Variants in SLC26A7 observed in about 807,000 individuals in gnomAD.
SLC26A7 encodes the protein anion exchange transporter.
SLC26A7 carries 59 observed loss-of-function variants against 82.5 expected under a neutral mutation model. The ratio of observed to expected loss-of-function variants is 0.72; its 90% CI spans 0.58 to 0.89. SLC26A7 has a LOEUF of 0.89. Among genes scored for constraint, SLC26A7 ranks in the 40% least tolerant of loss-of-function variants. SLC26A7 has a pLI of 0.00. For synonymous variants in SLC26A7, 271 were observed against 274.3 expected, an observed-to-expected ratio of 0.99 and a Z score of 0.12; for missense variants, 820 against 793.0, an observed-to-expected ratio of 1.03 and a Z score of -0.41.
Position 91,397,527 on chromosome 8 carries a change from G to T in SLC26A7, c.*2430G>T, listed in dbSNP as rs568452045. On this transcript the variant is annotated 3_prime_UTR_variant, in exon 19 of 19. Coordinates refer to ENST00000276609, the MANE Select transcript of SLC26A7 (RefSeq NM_052832.4). ...AAAACTGACCTATAAGAGTGTTAAG[G>T]ACCTAATAGAGTGACATATATAAAT... The T allele has an allele frequency of 2.6e-5, 4 of 152,518 alleles. No individual in the cohort carries two copies. Among genetic ancestry groups the T allele is most frequent in the Admixed American group, 2.6e-4 (4 of 15,266 alleles). The allele number at this position is 152,518 out of a possible 1,614,324, so 9.4% of individuals were successfully genotyped here.
At chr8:91,389,925 T>G (rs1410176910) in intron 16 of SLC26A7, among the ~76,000 whole-genome samples, 1 of 152,180 alleles carries the variant, frequency 6.6e-6, no homozygotes, top group East Asian at 1.9e-4. Flanking sequence ...CAATGGTGCT[T>G]CTTTCTCTAC....
chr8:91,351,966 T>C, intron 10 of SLC26A7, 79 bp downstream of exon 10: 2 of 1,098,470 alleles, frequency 1.8e-6, no homozygotes, highest in Non-Finnish European at 1.4e-6. Context: ...TTCTTGGAAG[T>C]ATAACCTCAA....
At chr8:91,334,705 G>A (rs1438133925) in intron 6 of SLC26A7, among the ~76,000 whole-genome samples, 1 of 152,156 alleles carries the variant, frequency 6.6e-6, no homozygotes, top group African/African-American at 2.4e-5. Context: ...ATAAATAAGA[G>A]AACATATAGC....
At chr8:91,314,813 A>G (rs537675241) in intron 4 of SLC26A7, among the ~76,000 whole-genome samples, 1 of 152,314 alleles carries the variant, frequency 6.6e-6, no homozygotes. Flanking sequence ...GAGTCTTTAG[A>G]CATTTTAAGA....
In SLC26A7 at chr8:91,366,720, A is replaced by G; in HGVS notation, c.1626+3A>G. 6.2e-7 allele frequency: 1 copy of G among 1,609,424 alleles called. No homozygotes were observed. ...AGCCACTTGATGATATCAGCAAGGT[A>G]GGATCAATGGTTTGATTAGAATGTC... On this transcript the variant is annotated splice_donor_region_variant and intron_variant, in intron 14 of 18. Transcript: ENST00000276609.
intron 3 of SLC26A7, among the ~76,000 whole-genome samples, chr8:91,294,082 A>G (rs1487724344): frequency 5.3e-5 from 8 of 152,354 alleles, no homozygotes; most frequent in African/African-American, 1.9e-4. Context: ...TTATCTCACT[A>G]AAAGAATGTT....
chr8:91,395,262 C>T lies in SLC26A7; in HGVS notation c.*165C>T. 3 of 1,387,484 alleles carry T rather than the reference C, an allele frequency of 2.2e-6. No homozygotes were observed. The Admixed American group carries it at 8.8e-5, about 41-fold the overall frequency. 85.9% of individuals were successfully genotyped at this position (1,387,484 alleles called of 1,614,324 possible). A position where few individuals can be genotyped will look rare whatever the true frequency, so the allele number is the denominator to read the frequency against. On this transcript the variant is annotated 3_prime_UTR_variant, in exon 19 of 19. Transcript: ENST00000276609. ...CATAGCAGTTGGAAAGAACTGCCAA[C>T]TTTTTTTTCTCATTTTTGTTAGTAA...
At chr8:91,259,313 A>T (rs1030776322) in intron 2 of SLC26A7, among the ~76,000 whole-genome samples, 1 of 151,286 alleles carries the variant, frequency 6.6e-6, no homozygotes, top group African/African-American at 2.4e-5. Context: ...ACCCTTCCAC[A>T]CTCCTGTTCT....
chr8:91,335,689 T>C (rs1052841658), intron 6 of SLC26A7, among the ~76,000 whole-genome samples: 3 of 152,202 alleles, frequency 2.0e-5, no homozygotes, highest in Admixed American at 6.5e-5. Flanking sequence ...ATACGTGTTA[T>C]CCCTAACATT....
chr8:91,261,406 A>C (rs912202227), intron 2 of SLC26A7, among the ~76,000 whole-genome samples: 2 of 152,084 alleles, frequency 1.3e-5, no homozygotes, highest in Admixed American at 1.3e-4. Flanking sequence ...AAGGGTGGGA[A>C]CATTTTCTTA....
intron 4 of SLC26A7, among the ~76,000 whole-genome samples, chr8:91,314,073 C>T (rs775583631): frequency 6.6e-6 from 1 of 152,182 alleles, no homozygotes; most frequent in Non-Finnish European, 1.5e-5. Context: ...TAGCCCAGAA[C>T]ATCAGCATTA....
intron 2 of SLC26A7, among the ~76,000 whole-genome samples, chr8:91,238,021 G>A (rs138330002): frequency 1.2e-3 from 185 of 152,128 alleles, no homozygotes; most frequent in African/African-American, 4.2e-3. Context: ...CACCATATAT[G>A]TAGTCACATG....
intron 15 of SLC26A7, among the ~76,000 whole-genome samples, chr8:91,381,544 GA>G (rs1814670988): frequency 6.6e-6 from 1 of 152,032 alleles, no homozygotes; most frequent in Non-Finnish European, 1.5e-5. Context: ...TTTCTGAACT[GA>G]AAAATTTTTA....
intron 16 of SLC26A7, among the ~76,000 whole-genome samples, chr8:91,390,429 G>A (rs185799954): frequency 6.6e-6 from 1 of 152,146 alleles, no homozygotes. Context: ...TAAATACTAA[G>A]TCAACAGGGA....
At chr8:91,358,153 C>A (rs1188822384) in intron 11 of SLC26A7, among the ~76,000 whole-genome samples, 1 of 152,132 alleles carries the variant, frequency 6.6e-6, no homozygotes, top group African/African-American at 2.4e-5. Context: ...CACTTTTACA[C>A]TGTTGGTGGG....
intron 2 of SLC26A7, among the ~76,000 whole-genome samples, chr8:91,243,198 G>T (rs1451852122): frequency 6.6e-6 from 1 of 152,130 alleles, no homozygotes; most frequent in Non-Finnish European, 1.5e-5. Context: ...ATGTTGGACA[G>T]TTTAAAAGCC....
intron 2 of SLC26A7, among the ~76,000 whole-genome samples, chr8:91,254,457 G>A (rs1810746334): frequency 6.6e-6 from 1 of 152,138 alleles, no homozygotes; most frequent in Non-Finnish European, 1.5e-5. Flanking sequence ...ATAGGGAGAT[G>A]ACATAATATT....
rs116048801 is a variant in SLC26A7 at position 91,278,300 on chromosome 8, G to A, written c.194-10836G>A. Among the ~76,000 whole-genome samples, 1,177 of 151,976 alleles carry A rather than the reference G, an allele frequency of 7.7e-3. 10 individuals carry two copies. The highest frequency in any genetic ancestry group is 0.026 in the African/African-American group (1,061 of 41,424). ...GAGCTCTTGCAGAGCTGCAAGAGAC[G>A]GGTGAGGCCAAGAACATCTGAATTG... On this transcript the variant is annotated intron_variant, in intron 2 of 18. Coordinates refer to ENST00000276609, the MANE Select transcript of SLC26A7 (RefSeq NM_052832.4).
intron 9 of SLC26A7, among the ~76,000 whole-genome samples, chr8:91,347,775 C>G (rs1473107551): frequency 3.3e-5 from 5 of 152,170 alleles, no homozygotes. Flanking sequence ...ATGAAGAAAC[C>G]CTTTTTACAG....
Sources: gnomAD v4.1 joint callset for allele counts (sites outside exome capture counted in the v4.1 genomes callset) on GRCh38, gnomAD v4.1.1 for gene constraint, MANE v1.5 for transcripts, NCBI Gene and HGNC (gene_info 2026-07-23, HGNC 2026-07-21) for gene names.